SULT1B1: variants seen among roughly 807,000 people sequenced by gnomAD.
SULT1B1 encodes the protein sulfotransferase family 1B member 1, also known as sulfotransferase 1B1.
SULT1B1 carries 28 observed loss-of-function variants against 34.6 expected under a neutral mutation model. The ratio of observed to expected loss-of-function variants is 0.81; its 90% confidence interval spans 0.60 to 1.11. The LOEUF (loss-of-function observed/expected upper bound fraction) is 1.11. Ranked by LOEUF, SULT1B1 falls within the 50% of genes least tolerant of loss-of-function variation. The pLI, the probability that SULT1B1 is intolerant of heterozygous loss-of-function variation, is 0.00. For synonymous variants in SULT1B1, 147 were observed against 110.2 expected, an observed-to-expected ratio of 1.33 and a Z score of -2.09; for missense variants, 374 against 352.2, an observed-to-expected ratio of 1.06 and a Z score of -0.50.
chr4:69,760,036 T>A (rs1189640045), intron 1 of SULT1B1, among the ~76,000 whole-genome samples: 1 of 152,260 alleles, frequency 6.6e-6, no homozygotes, highest in East Asian at 1.9e-4. Context: ...ACACATCAAA[T>A]CAAGCTACTT....
rs1002079122 is a variant in SULT1B1 at position 69,733,489 on chromosome 4, A to C, written c.521T>G (p.Phe174Cys). The change falls in exon 6 of 8, where the codon TTT (phenylalanine) becomes TGT (cysteine). Residue 174 changes from phenylalanine (F) to cysteine (C), a missense_variant. Transcript: ENST00000310613. ...CTTCCACCAGTTTTTAACATGAGTA[A>C]ACCAGGAACCATAGGCCACTAAAAC... Reference protein sequence around the residue: ...LTGKVAYGSWFTHVKNWWKKK... With the variant: ...LTGKVAYGSWCTHVKNWWKKK... The C allele has an allele frequency of 3.7e-6, 6 of 1,606,060 alleles. No individual in the cohort carries two copies. Among genetic ancestry groups the C allele is most frequent in the Non-Finnish European group, 5.1e-6 (6 of 1,177,134 alleles).
At chr4:69,729,495 T>C (rs538318377) in intron 7 of SULT1B1, among the ~76,000 whole-genome samples, 78 of 152,226 alleles carry the variant, frequency 5.1e-4, no homozygotes, top group Non-Finnish European at 8.8e-4. Flanking sequence ...CTCAAACTTA[T>C]AATGCATACA....
intron 4 of SULT1B1, among the ~76,000 whole-genome samples, chr4:69,747,435 C>A (rs1387018241): frequency 1.3e-5 from 2 of 152,224 alleles, no homozygotes; most frequent in African/African-American, 4.8e-5. Context: ...AGGCTGTGCA[C>A]TAAGCCAGTG....
chr4:69,743,432 G>A (rs1718628228), intron 4 of SULT1B1, among the ~76,000 whole-genome samples: 1 of 152,146 alleles, frequency 6.6e-6, no homozygotes, highest in African/African-American at 2.4e-5. Flanking sequence ...TCCATGGGCA[G>A]CCATGGGTGG....
intron 4 of SULT1B1, among the ~76,000 whole-genome samples, chr4:69,741,116 T>C (rs544557069): frequency 6.6e-6 from 1 of 152,368 alleles, no homozygotes; most frequent in East Asian, 1.9e-4. Flanking sequence ...TAGTCATTTA[T>C]CACAGCATCA....
chr4:69,731,664 C>G (rs759069725), intron 6 of SULT1B1, among the ~76,000 whole-genome samples: 7 of 152,026 alleles, frequency 4.6e-5, no homozygotes, highest in African/African-American at 7.3e-5. Flanking sequence ...TTAAACTTCT[C>G]TATAATATTA....
At chr4:69,734,827 TC>T (rs1718235461) in intron 4 of SULT1B1, among the ~76,000 whole-genome samples, 1 of 117,544 alleles carries the variant, frequency 8.5e-6, no homozygotes, top group African/African-American at 3.2e-5. Context: ...ACTTCGCTAC[TC>T]TTTTTTTTTT....
intron 4 of SULT1B1, among the ~76,000 whole-genome samples, chr4:69,741,527 T>A (rs991673658): frequency 1.3e-5 from 2 of 152,248 alleles, no homozygotes; most frequent in African/African-American, 4.8e-5. Context: ...CATGAAATGT[T>A]CTTCCATTAG....
intron 1 of SULT1B1, among the ~76,000 whole-genome samples, chr4:69,759,777 C>G (rs895020182): frequency 9.2e-5 from 14 of 152,182 alleles, no homozygotes; most frequent in African/African-American, 3.1e-4. Context: ...AAGGAACAGG[C>G]TATTTAAAGT....
At position 69,730,573 on chromosome 4, in the gene SULT1B1, T is replaced by C; in HGVS notation, c.706A>G (p.Asn236Asp). The C allele has an allele frequency of 1.9e-6, 3 of 1,613,216 alleles. No individual in the cohort carries two copies. The highest frequency in any genetic ancestry group is 1.7e-6 in the Non-Finnish European group (2 of 1,179,520). ...AGATGTGTATAATTTACCAAAGGAT[T>C]GTCCTTCATCACTTCAAATGAGGTG... ...HHTSFEVMKD[N>D]PLVNYTHLPT... Residue 236 changes from asparagine (N) to aspartate (D), a missense_variant, in exon 7 of 8, where the codon AAT becomes GAT. Transcript: ENST00000310613.
At chr4:69,733,936 T>C (rs575663828) in intron 5 of SULT1B1, among the ~76,000 whole-genome samples, 1 of 152,298 alleles carries the variant, frequency 6.6e-6, no homozygotes, top group East Asian at 1.9e-4. Flanking sequence ...AATACTTTTG[T>C]ATGCCAATGA....
At position 69,725,574 on chromosome 4, in the gene SULT1B1, A is replaced by G. The variant is rs999472644; in HGVS notation, c.*1514T>C. 5.3e-5 allele frequency: 8 copies of G among 152,172 alleles called. No homozygotes were observed. The highest frequency in any genetic ancestry group is 1.9e-4 in the African/African-American group (8 of 41,444). 9.4% of individuals were successfully genotyped at this position (152,172 alleles called of 1,614,324 possible). A position where few individuals can be genotyped will look rare whatever the true frequency, so the allele number is the denominator to read the frequency against. On this transcript the variant is annotated 3_prime_UTR_variant, in exon 8 of 8. Coordinates refer to ENST00000310613, the MANE Select transcript of SULT1B1 (RefSeq NM_014465.4). The stretch of plus-strand genomic sequence containing the variant: ...CTGCTATAAAGACACATGCACACGT[A>G]TATTTATTGCGGCACTATTCACAAT...
chr4:69,730,861 T>A (rs962076384), intron 6 of SULT1B1, among the ~76,000 whole-genome samples, 180 bp from the exon 7 acceptor site: 3 of 152,188 alleles, frequency 2.0e-5, no homozygotes, highest in African/African-American at 7.2e-5. Context: ...ATCAAGAATA[T>A]CTGTTATATT....
At chr4:69,757,184 A>G (rs1306493201) in intron 1 of SULT1B1, among the ~76,000 whole-genome samples, 8 of 152,158 alleles carry the variant, frequency 5.3e-5, no homozygotes, top group Non-Finnish European at 1.5e-5. Context: ...TTATTTTACA[A>G]TTTATAGATT....
chr4:69,745,051 T>A lies in SULT1B1; in HGVS notation c.375+4670A>T, dbSNP rs376046752. ...AATTGTAGGGTTTTGATAGGGCTTT[T>A]TGGCATTAATTTATATTTCTATTAT... On this transcript the variant is annotated intron_variant, in intron 4 of 7. Transcript: ENST00000310613. 7.2e-5 allele frequency among the ~76,000 whole-genome samples: 11 copies of A among 152,352 alleles called. No homozygotes were observed. The East Asian group carries it at 1.2e-3, about 16-fold the overall frequency.
At chr4:69,745,662 A>C (rs2110026296) in intron 4 of SULT1B1, among the ~76,000 whole-genome samples, 1 of 152,310 alleles carries the variant, frequency 6.6e-6, no homozygotes, top group East Asian at 1.9e-4. Flanking sequence ...TTCTTTATCC[A>C]ACTTGCCAGT....
At chr4:69,732,914 T>G (rs1718137578) in intron 6 of SULT1B1, among the ~76,000 whole-genome samples, 1 of 151,926 alleles carries the variant, frequency 6.6e-6, no homozygotes, top group Non-Finnish European at 1.5e-5. Flanking sequence ...AAATATTACA[T>G]GTTGGAGAGA....
At chr4:69,745,920 A>G (rs1490218795) in intron 4 of SULT1B1, among the ~76,000 whole-genome samples, 2 of 152,168 alleles carry the variant, frequency 1.3e-5, no homozygotes, top group African/African-American at 4.8e-5. Context: ...GAATTCCTTT[A>G]GTATTTCCTT....
rs535076111 is a variant in SULT1B1 at position 69,727,033 on chromosome 4, G to A, written c.*55C>T. 1.7e-4 allele frequency: 232 copies of A among 1,336,030 alleles called. No homozygotes were observed. Among genetic ancestry groups the A allele is most frequent in the Non-Finnish European group, 2.0e-4 (196 of 974,804 alleles). 82.8% of individuals were successfully genotyped at this position (1,336,030 alleles called of 1,614,324 possible). On this transcript the variant is annotated 3_prime_UTR_variant, in exon 8 of 8. Transcript: ENST00000310613. ...CCCAAATCAATTCATAACTGCCCTC[G>A]TTTCAATCAACTACAGACAATCTCT...
Sources: gnomAD v4.1 joint callset for allele counts (sites outside exome capture counted in the v4.1 genomes callset) on GRCh38, gnomAD v4.1.1 for gene constraint, MANE v1.5 for transcripts, NCBI Gene and HGNC (gene_info 2026-07-23, HGNC 2026-07-21) for gene names.